The following TXLNG variants were observed in gnomAD, a reference collection of about 807,000 sequenced individuals.
The protein encoded by TXLNG is gamma-taxilin.
In TXLNG, 5 loss-of-function variants were observed where a neutral mutation model predicts 38.8. The observed-to-expected ratio is 0.13, with a 90% CI of 0.07 to 0.27. TXLNG has a LOEUF of 0.27. Ranked by LOEUF, TXLNG falls within the 10% of genes least tolerant of loss-of-function variation. The probability of loss-of-function intolerance (pLI) is 1.00; values close to 1 mark genes in which losing one functional copy is unlikely to be tolerated. For synonymous variants in TXLNG, 182 were observed against 158.2 expected (o/e 1.15, Z -1.13); for missense variants, 393 against 398.2 (o/e 0.99, Z 0.11).
intron 1 of TXLNG, among the ~76,000 whole-genome samples, chrX:16,807,978 T>C (rs2147471327): frequency 8.9e-6 from 1 of 112,321 alleles, no homozygotes; most frequent in African/African-American, 3.2e-5. Context: ...AGTTGATGAA[T>C]GCAGAGTACT....
intron 1 of TXLNG, among the ~76,000 whole-genome samples, chrX:16,815,956 T>C (rs1230943614): frequency 9.0e-6 from 1 of 111,706 alleles, no homozygotes; most frequent in Non-Finnish European, 1.9e-5. Flanking sequence ...AATATTTGAT[T>C]AGAGGCGAAA....
At chrX:16,819,742 T>C (rs1257718331) in intron 2 of TXLNG, among the ~76,000 whole-genome samples, 1 of 112,300 alleles carries the variant, frequency 8.9e-6, no homozygotes, top group Admixed American at 9.5e-5. Context: ...TGATTATGTG[T>C]GTCTTTGGCA....
At chrX:16,813,722 A>G (rs73452434) in intron 1 of TXLNG, among the ~76,000 whole-genome samples, 3,508 of 110,134 alleles carry the variant, frequency 0.032, 167 homozygotes, top group African/African-American at 0.11. Flanking sequence ...TCATATAGCA[A>G]TTCCACTCCT....
At chrX:16,808,575 C>A (rs769384161) in intron 1 of TXLNG, among the ~76,000 whole-genome samples, 25 of 111,536 alleles carry the variant, frequency 2.2e-4, no homozygotes, top group African/African-American at 8.1e-4. Flanking sequence ...TCTTTGTGTC[C>A]GGCCAGAGAT....
At chrX:16,830,952 T>C (rs1174737505) in intron 5 of TXLNG, among the ~76,000 whole-genome samples, 1 of 105,965 alleles carries the variant, frequency 9.4e-6, no homozygotes, top group Non-Finnish European at 1.9e-5. Flanking sequence ...GTGATCCCCC[T>C]GTCTTGGCTC....
chrX:16,809,376 C>T (rs1254421334), intron 1 of TXLNG, among the ~76,000 whole-genome samples: 4 of 88,181 alleles, frequency 4.5e-5, no homozygotes, highest in African/African-American at 1.7e-4. Context: ...TGAAGTTTCG[C>T]TCTGTTGCCC....
At chrX:16,807,246 A>T (rs1172991734) in intron 1 of TXLNG, among the ~76,000 whole-genome samples, 1 of 112,029 alleles carries the variant, frequency 8.9e-6, no homozygotes, top group Non-Finnish European at 1.9e-5. Context: ...AATTCTACGT[A>T]TCTTTCATGA....
chrX:16,832,438 G>A (rs1279584067), intron 5 of TXLNG, among the ~76,000 whole-genome samples, 185 bp from the exon 6 acceptor site: 1 of 111,985 alleles, frequency 8.9e-6, no homozygotes, highest in Non-Finnish European at 1.9e-5. Context: ...TGGTTTGCAA[G>A]GTGGTGTCAA....
rs977349897 is a variant in TXLNG at position 16,786,471 on chromosome X, G to A, written c.-17G>A. On this transcript the variant is annotated 5_prime_UTR_variant, in exon 1 of 10. Coordinates refer to ENST00000380122, the MANE Select transcript of TXLNG (RefSeq NM_018360.3). Reference sequence around the variant, plus strand: ...TGCCCCTTGTCGGGCCGCTTGTTTGGCTGCTGCCGTCACCTCATGGCGACG... The same window carrying A: ...TGCCCCTTGTCGGGCCGCTTGTTTGACTGCTGCCGTCACCTCATGGCGACG... 2.7e-6 allele frequency: 3 copies of A among 1,106,831 alleles called. No individual in the cohort carries two copies. In the African/African-American group the frequency reaches 5.8e-5, roughly 21 times the overall value. 91.2% of individuals were successfully genotyped at this position (1,106,831 alleles called of 1,213,427 possible). A position where few individuals can be genotyped will look rare whatever the true frequency, so the allele number is the denominator to read the frequency against.
chrX:16,840,964 A>G (rs1189857214), intron 9 of TXLNG, among the ~76,000 whole-genome samples: 5 of 111,435 alleles, frequency 4.5e-5, no homozygotes, highest in Non-Finnish European at 9.4e-5. Flanking sequence ...CGGGAGGCCA[A>G]GGCGGGCAGA....
chrX:16,798,271 A>G (rs1602359542), intron 1 of TXLNG, among the ~76,000 whole-genome samples: 2 of 112,679 alleles, frequency 1.8e-5, no homozygotes, highest in South Asian at 7.3e-4. Flanking sequence ...TCTCATCAGA[A>G]AAGTCTTTTT....
At chrX:16,798,527 C>T (rs1219387537) in intron 1 of TXLNG, among the ~76,000 whole-genome samples, 4 of 110,967 alleles carry the variant, frequency 3.6e-5, no homozygotes, top group Non-Finnish European at 3.8e-5. Context: ...ATAATTCAAA[C>T]AGCTGCACTC....
chrX:16,818,638 G>A lies in TXLNG; in HGVS notation c.167G>A (p.Cys56Tyr). 2.5e-6 allele frequency: 3 copies of A among 1,211,911 alleles called. No homozygotes were observed. ...CTAGGGGTGAAAGCAGATATGTTGT[G>A]TAACTCTCAATCAAATGATATTCTT... ...CGLGVKADML[C>Y]NSQSNDILQH... is the part of the protein sequence containing the mutation. Residue 56 changes from cysteine (C) to tyrosine (Y), a missense_variant, in exon 2 of 10, where the codon TGT (cysteine) becomes TAT (tyrosine). Transcript: ENST00000380122.
intron 1 of TXLNG, among the ~76,000 whole-genome samples, chrX:16,797,113 A>G (rs1223539481): frequency 9.1e-6 from 1 of 110,222 alleles, no homozygotes; most frequent in African/African-American, 3.3e-5. Flanking sequence ...GGGAAACCGT[A>G]TCTCTACTAA....
intron 3 of TXLNG, among the ~76,000 whole-genome samples, chrX:16,821,632 T>A (rs913896749): frequency 8.9e-6 from 1 of 112,627 alleles, no homozygotes; most frequent in Non-Finnish European, 1.9e-5. Context: ...TCTTCATCTG[T>A]TAAAACAGTT....
chrX:16,839,964 C>T, intron 9 of TXLNG, 48 bp downstream of exon 9: 1 of 989,092 alleles, frequency 1.0e-6, no homozygotes. Context: ...CATGGGGACT[C>T]CTTGAGTTCA....
intron 1 of TXLNG, among the ~76,000 whole-genome samples, chrX:16,788,860 G>A (rs1044855836): frequency 7.2e-5 from 8 of 110,547 alleles, no homozygotes; most frequent in African/African-American, 2.6e-4. Flanking sequence ...TAGAAACAGG[G>A]TTTCACCATG....
intron 1 of TXLNG, among the ~76,000 whole-genome samples, chrX:16,809,803 CA>C (rs1367102104): frequency 2.7e-5 from 3 of 111,678 alleles, no homozygotes; most frequent in African/African-American, 9.8e-5. Context: ...CATCTGTATA[CA>C]TATATATAGT....
intron 1 of TXLNG, among the ~76,000 whole-genome samples, chrX:16,792,424 C>T (rs1287671061): frequency 9.2e-6 from 1 of 108,188 alleles, no homozygotes; most frequent in Admixed American, 9.9e-5. Flanking sequence ...CCCCTAATTC[C>T]TCTTGTTTGG....
Sources: allele counts gnomAD v4.1 joint callset (sites outside exome capture counted in the v4.1 genomes callset), GRCh38; gene constraint gnomAD v4.1.1; transcripts MANE v1.5; gene names NCBI Gene and HGNC (gene_info 2026-07-23, HGNC 2026-07-21).